Variants in DAPK2 observed in about 807,000 individuals in gnomAD.
DAPK2 encodes the protein death associated protein kinase 2, also known as death-associated protein kinase 2.
DAPK2 carries 35 observed loss-of-function variants against 44.1 expected under a neutral mutation model. That is an observed-to-expected ratio of 0.79 (90% CI 0.61 to 1.05). The LOEUF is 1.05. Ranked by LOEUF, DAPK2 falls within the 50% of genes least tolerant of loss-of-function variation. The pLI, the probability that DAPK2 is intolerant of heterozygous loss-of-function variation, is 0.00. For synonymous variants in DAPK2, 174 were observed against 182.6 expected, an observed-to-expected ratio of 0.95 and a Z score of 0.38; for missense variants, 453 against 483.2, an observed-to-expected ratio of 0.94 and a Z score of 0.59.
chr15:63,910,350 G>A (rs1278119024), intron 10 of DAPK2, among the ~76,000 whole-genome samples: 1 of 152,180 alleles, frequency 6.6e-6, no homozygotes, highest in Non-Finnish European at 1.5e-5. Context: ...TCATAAGGCT[G>A]CTCAGCCCTC....
intron 1 of DAPK2, among the ~76,000 whole-genome samples, chr15:63,993,038 T>C (rs965465902): frequency 6.6e-6 from 1 of 152,182 alleles, no homozygotes; most frequent in African/African-American, 2.4e-5. Flanking sequence ...GGATTACCCC[T>C]CATAAAATGG....
rs2078863521 is a variant in DAPK2 at position 63,914,069 on chromosome 15, G to A, written c.859-1872C>T. Among the ~76,000 whole-genome samples, 3 of 152,206 alleles carry A rather than the reference G, an allele frequency of 2.0e-5. No homozygotes were observed. The South Asian group carries it at 6.2e-4, about 31-fold the overall frequency. Reference sequence around the variant, plus strand: ...TTTCCCTGAGCTGTTGGAGAGATAAGTTGGAATGAAATCCCAGGACCTGGG... The same window carrying A: ...TTTCCCTGAGCTGTTGGAGAGATAAATTGGAATGAAATCCCAGGACCTGGG... On this transcript the variant is annotated intron_variant, in intron 8 of 10. Transcript: ENST00000261891.
intron 1 of DAPK2, among the ~76,000 whole-genome samples, chr15:63,991,954 T>C (rs1468090528): frequency 1.3e-5 from 2 of 152,196 alleles, no homozygotes; most frequent in African/African-American, 4.8e-5. Flanking sequence ...CAGCTGCTTT[T>C]AGAGGCTGGC....
chr15:64,046,390 GAACGGGGGA>G (rs2080469272), upstream of DAPK2: 2,394 of 324,550 alleles, frequency 7.4e-3, 3 homozygotes, highest in Middle Eastern at 0.021. The surrounding 1 kb of genome is among the most constrained non-coding windows in gnomAD (Gnocchi z 5.3). Flanking sequence ...GGCGCGGCGG[GAACGGGGGA>G]CGCGGCGGGG....
chr15:64,027,169 G>T (rs1213274237), intron 1 of DAPK2, among the ~76,000 whole-genome samples: 4 of 152,134 alleles, frequency 2.6e-5, no homozygotes, highest in African/African-American at 9.7e-5. Flanking sequence ...GGTCATCTGA[G>T]GTCAGGAATT....
At chr15:63,984,179 A>G (rs543920188) in intron 1 of DAPK2, among the ~76,000 whole-genome samples, 1 of 152,294 alleles carries the variant, frequency 6.6e-6, no homozygotes, top group South Asian at 2.1e-4. Context: ...AACAAGGTTA[A>G]TCATCATAGT....
intron 1 of DAPK2, among the ~76,000 whole-genome samples, chr15:63,984,066 T>C (rs1207296314): frequency 6.6e-6 from 1 of 152,162 alleles, no homozygotes; most frequent in Non-Finnish European, 1.5e-5. Context: ...AAATCTCAGC[T>C]AGAACCCAAG....
intron 1 of DAPK2, among the ~76,000 whole-genome samples, chr15:64,029,375 C>A (rs1409841748): frequency 3.3e-5 from 5 of 152,108 alleles, no homozygotes; most frequent in African/African-American, 9.7e-5. Context: ...CTCCTGGCAG[C>A]CCCATCCCTT....
intron 8 of DAPK2, among the ~76,000 whole-genome samples, chr15:63,913,613 C>T (rs751150347): frequency 9.2e-5 from 14 of 152,198 alleles, no homozygotes; most frequent in African/African-American, 2.9e-4. Context: ...TGTCTCCTAA[C>T]CATGCTCGGA....
At chr15:63,991,469 A>C in intron 1 of DAPK2, 5 of 376,304 alleles carry the variant, frequency 1.3e-5, no homozygotes, top group Non-Finnish European at 2.6e-5. Context: ...CTGTCTTTCT[A>C]GTTCCTTGAC....
chr15:63,933,823 T>G (rs2077049494), intron 4 of DAPK2, among the ~76,000 whole-genome samples: 1 of 150,742 alleles, frequency 6.6e-6, no homozygotes, highest in African/African-American at 2.4e-5. Flanking sequence ...GGTCTTCAAT[T>G]TCTAGGCTCA....
chr15:63,983,689 A>G lies in DAPK2; in HGVS notation c.158T>C (p.Phe53Ser), dbSNP rs766375326. 1.9e-6 allele frequency: 3 copies of G among 1,613,716 alleles called. No individual in the cohort carries two copies. The highest frequency in any genetic ancestry group is 2.7e-5 in the African/African-American group (2 of 74,920). Residue 53 changes from phenylalanine (F) to serine (S), a missense_variant, in exon 2 of 11, where the codon TTC (phenylalanine) becomes TCC (serine). Phe to Ser is a radical substitution (Grantham distance 155). Transcript: ENST00000261891. ...CGCCCGGCTCTGCCGCTTCTTGATG[A>G]ACTTGGCTGCATACTCAAGCCCCGT... is the stretch of plus-strand genomic sequence containing the variant.
In DAPK2 at chr15:64,040,159, C is replaced by T; in HGVS notation, c.92+11G>A. 6.2e-7 allele frequency: 1 copy of T among 1,609,982 alleles called. No homozygotes were observed. Among genetic ancestry groups the T allele is most frequent in the South Asian group, 1.1e-5 (1 of 90,978 alleles). ...CCTCGGCATCCCCCCACCTCTCACA[C>T]AGTCTCCTACCTCCCCAGCTCCTCT... On this transcript the variant is annotated intron_variant, in intron 1 of 10. Coordinates refer to ENST00000261891, the Ensembl canonical transcript of DAPK2.
At chr15:63,932,094 G>C (rs992866093) in intron 4 of DAPK2, among the ~76,000 whole-genome samples, 4 of 151,876 alleles carry the variant, frequency 2.6e-5, no homozygotes, top group African/African-American at 9.7e-5. Context: ...TTGAACCTGG[G>C]AGGTGGAGGT....
At chr15:63,911,954 G>T in exon 10 of DAPK2, 1 of 1,614,094 alleles carries the variant, frequency 6.2e-7, no homozygotes, top group Non-Finnish European at 8.5e-7. Context: ...CAGCGAGCGG[G>T]TGAGGTGGTT....
chr15:63,952,440 AC>A (rs766259217), intron 3 of DAPK2, among the ~76,000 whole-genome samples: 1 of 152,174 alleles, frequency 6.6e-6, no homozygotes, highest in Non-Finnish European at 1.5e-5. Context: ...AATAGCACAA[AC>A]AGAGGAGAAG....
chr15:64,034,354 C>A (rs990712087), intron 1 of DAPK2, among the ~76,000 whole-genome samples: 1 of 152,198 alleles, frequency 6.6e-6, no homozygotes, highest in Non-Finnish European at 1.5e-5. Context: ...CTGTCTACCC[C>A]CTGCCCCCAT....
intron 1 of DAPK2, among the ~76,000 whole-genome samples, chr15:63,993,520 A>G (rs1290910003): frequency 5.3e-5 from 8 of 151,904 alleles, no homozygotes; most frequent in Non-Finnish European, 1.5e-5. Flanking sequence ...TTTCACTGAT[A>G]TAGTCAGCTC....
intron 8 of DAPK2, chr15:63,919,239 T>C (rs1202119877): frequency 1.3e-5 from 2 of 152,212 alleles, no homozygotes; most frequent in African/African-American, 4.8e-5. Context: ...GAAAAAGGTC[T>C]GTTTACGACA....
Sources: gnomAD v4.1 joint callset for allele counts (sites outside exome capture counted in the v4.1 genomes callset) on GRCh38, gnomAD v4.1.1 for gene constraint, Gnocchi (gnomAD v3.1) non-coding constraint, MANE v1.5 for transcripts, NCBI Gene and HGNC (gene_info 2026-07-23, HGNC 2026-07-21) for gene names.